SYT7: variants seen among roughly 807,000 people sequenced by gnomAD.
The protein encoded by SYT7 is synaptotagmin 7, also known as synaptotagmin-7.
In SYT7, 29 loss-of-function variants were observed where a neutral mutation model predicts 75.1. That is an observed-to-expected ratio of 0.39 (90% CI 0.29 to 0.53). SYT7 has a LOEUF of 0.53. Ranked by LOEUF, SYT7 falls within the 20% of genes least tolerant of loss-of-function variation. The probability of loss-of-function intolerance (pLI) is 0.77; values close to 1 mark genes in which losing one functional copy is unlikely to be tolerated. For synonymous variants in SYT7, 376 were observed against 401.7 expected (o/e 0.94, Z 0.76); for missense variants, 693 against 953.2 (o/e 0.73, Z 3.59).
chr11:61,565,002 G>A (rs1312969588), intron 1 of SYT7, among the ~76,000 whole-genome samples: 5 of 152,198 alleles, frequency 3.3e-5, no homozygotes, highest in Non-Finnish European at 5.9e-5. Context: ...CTCTGGTACT[G>A]ATCAGGGTGC....
At chr11:61,535,616 A>G (rs1234481542) in intron 7 of SYT7, among the ~76,000 whole-genome samples, 1 of 152,170 alleles carries the variant, frequency 6.6e-6, no homozygotes, top group East Asian at 1.9e-4. Context: ...CTTCAGGGAC[A>G]CCAAGAATCG....
At chr11:61,562,009 T>A in intron 1 of SYT7, among the ~76,000 whole-genome samples, 1 of 151,660 alleles carries the variant, frequency 6.6e-6, no homozygotes, top group South Asian at 2.1e-4. Flanking sequence ...TACAAGTGTG[T>A]GTGCGCGCAT....
Position 61,524,224 on chromosome 11 carries a change from C to G in SYT7, c.1641+139G>C. The G allele has an allele frequency of 9.4e-7, 1 of 1,062,468 alleles. No individual in the cohort carries two copies. Among genetic ancestry groups the G allele is most frequent in the Admixed American group, 2.7e-5 (1 of 37,690 alleles). 65.8% of individuals were successfully genotyped at this position (1,062,468 alleles called of 1,614,324 possible). ...CCAATGTTCTGACTGCTAGCGAGGG[C>G]TGAGCTCCATCGGGTCCACCCATCT... On this transcript the variant is annotated intron_variant, in intron 10 of 12. Transcript: ENST00000539008. This position sits in a 1 kb window ranked among gnomAD's most constrained non-coding sequence, Gnocchi z 4.1.
At chr11:61,569,612 T>C (rs1312954797) in intron 1 of SYT7, among the ~76,000 whole-genome samples, 3 of 151,720 alleles carry the variant, frequency 2.0e-5, no homozygotes, top group Middle Eastern at 6.8e-3. Flanking sequence ...CTCCCCTCTA[T>C]GGAGAGAGAG....
At chr11:61,587,178 C>T in the SYT7 span, among the ~76,000 whole-genome samples, 320 of 152,340 alleles carry the variant, frequency 2.1e-3, 1 homozygote, top group African/African-American at 7.5e-3. Flanking sequence ...CCACCCATAC[C>T]CAGGGGTGGC....
At chr11:61,585,836 C>T (rs941671926), upstream of SYT7, among the ~76,000 whole-genome samples, 4 of 152,088 alleles carry the variant, frequency 2.6e-5, no homozygotes, top group South Asian at 2.1e-4. Context: ...GACTCGAACT[C>T]GGGTCCTACC....
At position 61,580,578 on chromosome 11, in the gene SYT7, C is replaced by T. The variant is rs1437768201; in HGVS notation, c.31+212G>A. On this transcript the variant is annotated intron_variant, in intron 1 of 12. Coordinates refer to ENST00000539008, the MANE Select transcript of SYT7 (RefSeq NM_001365809.2). This position sits in a 1 kb window ranked among gnomAD's most constrained non-coding sequence, Gnocchi z 6.1. ...GGGACACTGCGAAGCCGGTCCCAGACATCCAGCCTGGCAGTGTCCAGACTG... is the reference window on the plus strand; with the variant it reads ...GGGACACTGCGAAGCCGGTCCCAGATATCCAGCCTGGCAGTGTCCAGACTG... 1.3e-5 allele frequency among the ~76,000 whole-genome samples: 2 copies of T among 152,178 alleles called. No individual in the cohort carries two copies. Among genetic ancestry groups the T allele is most frequent in the African/African-American group, 2.4e-5 (1 of 41,460 alleles).
chr11:61,582,394 C>A (rs1271339532), upstream of SYT7, among the ~76,000 whole-genome samples: 2 of 152,118 alleles, frequency 1.3e-5, no homozygotes, highest in East Asian at 3.9e-4. Flanking sequence ...CACACCTCCA[C>A]CTGCCCACAG....
upstream of SYT7, among the ~76,000 whole-genome samples, chr11:61,584,112 G>C (rs1264510709): frequency 6.6e-6 from 1 of 152,192 alleles, no homozygotes; most frequent in African/African-American, 2.4e-5. Context: ...TTGGGGGACT[G>C]GGCGCGGTGG....
At chr11:61,540,428 G>GA in intron 6 of SYT7, 1 of 841,040 alleles carries the variant, frequency 1.2e-6, no homozygotes, top group Middle Eastern at 6.0e-4. Flanking sequence ...TTGTTTTAAA[G>GA]AAAAAAAGAA....
intron 1 of SYT7, among the ~76,000 whole-genome samples, chr11:61,560,492 T>C (rs570959357): frequency 1.3e-5 from 2 of 152,236 alleles, no homozygotes; most frequent in East Asian, 3.9e-4. Context: ...GCTGTCATCT[T>C]CCAGGCAGTT....
At position 61,546,045 on chromosome 11, in the gene SYT7, C is replaced by T. The variant is rs1182777372; in HGVS notation, c.558G>A (p.Lys186=). Residue 186 remains lysine, a synonymous_variant, in exon 5 of 13, where the codon AAG becomes AAA. Coordinates refer to ENST00000539008, the MANE Select transcript of SYT7 (RefSeq NM_001365809.2). The surrounding 1 kb of genome is among the most constrained non-coding windows in gnomAD (Gnocchi z 7.6). The part of the protein sequence containing the change: ...RTVQSHLAAG[K]LNLSNFEDST... ...CCATCACTCACTTGGACAAGTTGAG[C>T]TTCCCTGCGGCCAGGTGGCTCTGCA... is the stretch of plus-strand genomic sequence containing the variant. 1.3e-6 allele frequency: 2 copies of T among 1,533,338 alleles called. No individual in the cohort carries two copies. Among genetic ancestry groups the T allele is most frequent in the East Asian group, 2.5e-5 (1 of 40,668 alleles). The allele number at this position is 1,533,338 out of a possible 1,614,324, so 95.0% of individuals were successfully genotyped here. A position where few individuals can be genotyped will look rare whatever the true frequency, so the allele number is the denominator to read the frequency against.
Position 61,546,574 on chromosome 11 carries a change from C to T in SYT7, c.348-319G>A. 3.7e-6 allele frequency: 1 copy of T among 271,988 alleles called. No homozygotes were observed. Among genetic ancestry groups the T allele is most frequent in the Non-Finnish European group, 7.1e-6 (1 of 141,270 alleles). 16.8% of individuals were successfully genotyped at this position (271,988 alleles called of 1,614,324 possible). A position where few individuals can be genotyped will look rare whatever the true frequency, so the allele number is the denominator to read the frequency against. On this transcript the variant is annotated intron_variant, in intron 4 of 12. Transcript: ENST00000539008. The surrounding 1 kb of genome is among the most constrained non-coding windows in gnomAD (Gnocchi z 7.6). The stretch of plus-strand genomic sequence containing the variant: ...GGGGGCCCCTCCCCACCGCCTGGGG[C>T]AGGGGCGGCGGGGGTTGGGGGAGGG...
intron 6 of SYT7, chr11:61,541,342 G>T (rs1212524404): frequency 1.0e-6 from 1 of 981,660 alleles, no homozygotes; most frequent in Non-Finnish European, 1.2e-6. Context: ...GGTGATGTTG[G>T]GGATGGCAGC....
In SYT7 at chr11:61,546,253, C is replaced by T. The variant is rs989409706; in HGVS notation, c.350G>A (p.Gly117Asp). 2 of 1,434,346 alleles carry T rather than the reference C, an allele frequency of 1.4e-6. No individual in the cohort carries two copies. The highest frequency in any genetic ancestry group is 1.5e-5 in the African/African-American group (1 of 67,102). 88.9% of individuals were successfully genotyped at this position (1,434,346 alleles called of 1,614,324 possible). A position where few individuals can be genotyped will look rare whatever the true frequency, so the allele number is the denominator to read the frequency against. ...CACTTTGGCGCCCGACAGGAGGGTG[C>T]CACTGGAGGCATGCACGAGGCAGCC... is the stretch of plus-strand genomic sequence containing the variant. ...PYGDPRLSLN[G>D]TLLSGAKVAA... The change falls in exon 5 of 13, where the codon GGC becomes GAC. Residue 117 changes from glycine to aspartate, a missense_variant and splice_region_variant. Transcript: ENST00000539008. The surrounding 1 kb of genome is among the most constrained non-coding windows in gnomAD (Gnocchi z 7.6).
chr11:61,530,225 T>G (rs2062662949), intron 8 of SYT7, among the ~76,000 whole-genome samples: 1 of 152,182 alleles, frequency 6.6e-6, no homozygotes, highest in South Asian at 2.1e-4. Context: ...TGCGCCTTGC[T>G]CTTGCCCTCA....
chr11:61,519,615 A>G (rs1299491072), intron 12 of SYT7, among the ~76,000 whole-genome samples: 1 of 152,170 alleles, frequency 6.6e-6, no homozygotes, highest in Admixed American at 6.5e-5. Context: ...ATTAACGGAA[A>G]GACTGGTGAA....
At chr11:61,555,212 GC>G (rs1162579585) in intron 2 of SYT7, among the ~76,000 whole-genome samples, 1 of 152,210 alleles carries the variant, frequency 6.6e-6, no homozygotes, top group Non-Finnish European at 1.5e-5. Context: ...ACCATTCTCG[GC>G]CCGGGGAGAT....
chr11:61,539,300 C>T (rs1366258683), intron 6 of SYT7, among the ~76,000 whole-genome samples: 1 of 152,090 alleles, frequency 6.6e-6, no homozygotes, highest in East Asian at 1.9e-4. Flanking sequence ...CCAGGTGTGA[C>T]ACCTTTAGTA....
Sources: gnomAD v4.1 joint callset for allele counts (sites outside exome capture counted in the v4.1 genomes callset) on GRCh38, gnomAD v4.1.1 for gene constraint, Gnocchi (gnomAD v3.1) non-coding constraint, MANE v1.5 for transcripts, NCBI Gene and HGNC (gene_info 2026-07-23, HGNC 2026-07-21) for gene names.